The following GRM8 variants were observed in gnomAD, a reference collection of about 807,000 sequenced individuals.
GRM8 encodes the protein glutamate metabotropic receptor 8, also known as metabotropic glutamate receptor 8.
GRM8 carries 47 observed loss-of-function variants against 87.2 expected under a neutral mutation model. That is an observed-to-expected ratio of 0.54 (90% CI 0.43 to 0.69). GRM8 has a LOEUF of 0.69. GRM8 is among the 30% of genes least tolerant of loss of function. The pLI, the probability that GRM8 is intolerant of heterozygous loss-of-function variation, is 0.00. For missense variants in GRM8, 1,019 were observed against 1,139.2 expected, an observed-to-expected ratio of 0.89 and a Z score of 1.52; for synonymous variants, 396 against 404.5, an observed-to-expected ratio of 0.98 and a Z score of 0.25.
intron 2 of GRM8, among the ~76,000 whole-genome samples, chr7:127,177,112 T>C (rs1000900632): frequency 6.6e-6 from 1 of 152,156 alleles, no homozygotes; most frequent in Non-Finnish European, 1.5e-5. Context: ...GCAAGTTTTC[T>C]AGCCTGTCAC....
intron 2 of GRM8, among the ~76,000 whole-genome samples, chr7:127,184,768 G>A (rs1353405444): frequency 6.6e-6 from 1 of 151,932 alleles, no homozygotes; most frequent in African/African-American, 2.4e-5. Context: ...TAATGAGTGA[G>A]TATAGCAAGG....
chr7:126,660,034 G>A (rs927677079), intron 7 of GRM8, among the ~76,000 whole-genome samples: 7 of 152,016 alleles, frequency 4.6e-5, no homozygotes, highest in Admixed American at 6.6e-5. Context: ...AAGAGGGGAG[G>A]CCTTTAGTTT....
intron 6 of GRM8, among the ~76,000 whole-genome samples, chr7:126,900,497 G>A (rs964786643): frequency 3.5e-5 from 5 of 142,552 alleles, no homozygotes; most frequent in Non-Finnish European, 7.7e-5. Context: ...TAGCTTTTTT[G>A]TTTGTTTGTT....
At chr7:126,449,511 G>A (rs1802387517) in intron 9 of GRM8, among the ~76,000 whole-genome samples, 1 of 151,824 alleles carries the variant, frequency 6.6e-6, no homozygotes, top group South Asian at 2.1e-4. Flanking sequence ...TAGGACAAAA[G>A]AAGGACCTAT....
intron 6 of GRM8, among the ~76,000 whole-genome samples, chr7:126,888,493 G>A (rs1563285085): frequency 6.6e-6 from 1 of 152,116 alleles, no homozygotes. Flanking sequence ...TGACCTCCAA[G>A]TTTCCTTCCT....
chr7:126,529,186 GA>G (rs201881734), intron 9 of GRM8, among the ~76,000 whole-genome samples: 246 of 148,394 alleles, frequency 1.7e-3, no homozygotes, highest in African/African-American at 4.6e-3. Context: ...ATTTTTTTCA[GA>G]AAAAAAAAAT....
chr7:126,544,154 C>A lies in GRM8; in HGVS notation c.1495-10267G>T, dbSNP rs141935981. Reference sequence around the variant, plus strand: ...TCTGTTGATGTGTTTATTTCCCCACCAGACTGACAGCACATTAATCTCAAG... The same window carrying A: ...TCTGTTGATGTGTTTATTTCCCCACAAGACTGACAGCACATTAATCTCAAG... On this transcript the variant is annotated intron_variant, in intron 8 of 10. Coordinates refer to ENST00000339582, the MANE Select transcript of GRM8 (RefSeq NM_000845.3). Among the ~76,000 whole-genome samples the A allele has an allele frequency of 5.7e-3, 861 of 152,198 alleles. 10 individuals carry two copies. The highest frequency in any genetic ancestry group is 0.02 in the African/African-American group (825 of 41,518).
intron 9 of GRM8, among the ~76,000 whole-genome samples, chr7:126,447,519 TGC>T (rs1563015987): frequency 2.0e-5 from 3 of 151,932 alleles, no homozygotes; most frequent in African/African-American, 7.2e-5. Context: ...CTGTTAGTCT[TGC>T]TAACATCTAT....
At chr7:126,486,275 A>G (rs374454410) in intron 9 of GRM8, among the ~76,000 whole-genome samples, 24 of 152,096 alleles carry the variant, frequency 1.6e-4, no homozygotes, top group African/African-American at 5.5e-4. Context: ...CTTTTGACAT[A>G]TAAGACCTAA....
intron 3 of GRM8, among the ~76,000 whole-genome samples, chr7:127,044,281 G>T (rs919721372): frequency 6.6e-6 from 1 of 152,138 alleles, no homozygotes; most frequent in Non-Finnish European, 1.5e-5. Flanking sequence ...AAGGGCTGGA[G>T]ATTTCCTGTT....
chr7:126,565,152 T>C (rs183086210), intron 8 of GRM8, among the ~76,000 whole-genome samples: 1 of 152,248 alleles, frequency 6.6e-6, no homozygotes, highest in Admixed American at 6.5e-5. Flanking sequence ...GGATGCCTAC[T>C]CTTAGCACTT....
chr7:126,824,868 G>A (rs917747410), intron 6 of GRM8, among the ~76,000 whole-genome samples: 1 of 152,156 alleles, frequency 6.6e-6, no homozygotes, highest in Non-Finnish European at 1.5e-5. Flanking sequence ...TAACTCATAT[G>A]TGGTAAAATT....
At chr7:126,688,006 T>A (rs974169958) in intron 7 of GRM8, among the ~76,000 whole-genome samples, 12 of 152,084 alleles carry the variant, frequency 7.9e-5, no homozygotes, top group African/African-American at 2.4e-4. Flanking sequence ...GTAGGCTTTT[T>A]AAAAAAATAG....
At chr7:127,197,561 T>C (rs1396534752) in intron 2 of GRM8, among the ~76,000 whole-genome samples, 1 of 151,904 alleles carries the variant, frequency 6.6e-6, no homozygotes, top group Non-Finnish European at 1.5e-5. Context: ...AATCCTAGTT[T>C]CTTTCATCTC....
intron 2 of GRM8, among the ~76,000 whole-genome samples, chr7:127,203,870 A>G (rs561910377): frequency 1.3e-5 from 2 of 152,192 alleles, no homozygotes; most frequent in Non-Finnish European, 2.9e-5. Flanking sequence ...GAGACAGAAG[A>G]AAGAGAAAAA....
intron 1 of GRM8, among the ~76,000 whole-genome samples, chr7:127,243,898 A>G (rs1798444111): frequency 6.6e-6 from 1 of 151,922 alleles, no homozygotes; most frequent in Non-Finnish European, 1.5e-5. Context: ...TTTGTCAACA[A>G]AATCATAATA....
chr7:126,993,047 T>A (rs1812828604), intron 3 of GRM8, among the ~76,000 whole-genome samples: 1 of 152,182 alleles, frequency 6.6e-6, no homozygotes, highest in African/African-American at 2.4e-5. Context: ...CCAAGCTGAC[T>A]AAGACAGAGA....
At chr7:126,608,864 C>T (rs1798629694) in intron 8 of GRM8, among the ~76,000 whole-genome samples, 1 of 151,286 alleles carries the variant, frequency 6.6e-6, no homozygotes, top group South Asian at 2.1e-4. Context: ...CCCGGGTTCA[C>T]GCCATTCTCC....
chr7:127,072,972 C>T (rs1033909871), intron 3 of GRM8, among the ~76,000 whole-genome samples: 1 of 131,622 alleles, frequency 7.6e-6, no homozygotes, highest in Non-Finnish European at 1.7e-5. Context: ...AGGCCATCCT[C>T]GCTTCCTTTT....
Sources: allele counts gnomAD v4.1 joint callset (sites outside exome capture counted in the v4.1 genomes callset), GRCh38; gene constraint gnomAD v4.1.1; transcripts MANE v1.5; gene names NCBI Gene and HGNC (gene_info 2026-07-23, HGNC 2026-07-21).